Variants in HHAT observed in about 807,000 individuals in gnomAD.
HHAT encodes the protein hedgehog acyltransferase.
A neutral mutation model predicts 70.8 loss-of-function variants in HHAT; 47 were observed. That is an observed-to-expected ratio of 0.66 (90% CI 0.53 to 0.85). The LOEUF (loss-of-function observed/expected upper bound fraction) is 0.85. Among genes scored for constraint, HHAT ranks in the 40% least tolerant of loss-of-function variants. The pLI is 0.00. For synonymous variants in HHAT, 228 were observed against 247.6 expected (o/e 0.92, Z 0.74); for missense variants, 609 against 604.8 (o/e 1.01, Z -0.07).
chr1:210,395,573 G>T (rs1028002335), intron 4 of HHAT, among the ~76,000 whole-genome samples: 1 of 152,122 alleles, frequency 6.6e-6, no homozygotes, highest in Non-Finnish European at 1.5e-5. Flanking sequence ...AACTATTGGA[G>T]ATTTCCCCCA....
chr1:210,412,785 C>T (rs1285860506), intron 6 of HHAT, among the ~76,000 whole-genome samples: 1 of 152,226 alleles, frequency 6.6e-6, no homozygotes, highest in Non-Finnish European at 1.5e-5. Flanking sequence ...GAGACAGTGC[C>T]ACCCTCATGG....
At chr1:210,498,035 A>G (rs1047886127) in intron 8 of HHAT, among the ~76,000 whole-genome samples, 3 of 152,158 alleles carry the variant, frequency 2.0e-5, no homozygotes, top group South Asian at 4.2e-4. Context: ...GATTACAGGC[A>G]TGAGCCACCG....
chr1:210,433,632 G>T (rs1354730506), intron 7 of HHAT, among the ~76,000 whole-genome samples: 1 of 151,826 alleles, frequency 6.6e-6, no homozygotes, highest in Non-Finnish European at 1.5e-5. Context: ...GGATTGAGAG[G>T]ACATTGGGAG....
At chr1:210,608,819 G>A (rs1666024893) in intron 10 of HHAT, among the ~76,000 whole-genome samples, 2 of 152,052 alleles carry the variant, frequency 1.3e-5, no homozygotes, top group Non-Finnish European at 2.9e-5. Context: ...CCTCCAAGAT[G>A]GCATCTTGTT....
chr1:210,365,163 T>C (rs2088785945), intron 3 of HHAT, among the ~76,000 whole-genome samples: 1 of 152,156 alleles, frequency 6.6e-6, no homozygotes, highest in African/African-American at 2.4e-5. Context: ...GGCAAGCACA[T>C]GCTATTTTGG....
At chr1:210,359,251 C>T (rs1481159928) in intron 2 of HHAT, among the ~76,000 whole-genome samples, 1 of 152,150 alleles carries the variant, frequency 6.6e-6, no homozygotes, top group African/African-American at 2.4e-5. Flanking sequence ...GGTCTGAGGT[C>T]CCTCCCTAAG....
At chr1:210,455,923 A>T (rs765904954) in intron 7 of HHAT, among the ~76,000 whole-genome samples, 4 of 152,188 alleles carry the variant, frequency 2.6e-5, no homozygotes, top group Non-Finnish European at 4.4e-5. Context: ...AATAAGGCCC[A>T]TGAGAGACGA....
chr1:210,618,402 T>C (rs1224957390), intron 10 of HHAT, among the ~76,000 whole-genome samples: 1 of 152,156 alleles, frequency 6.6e-6, no homozygotes, highest in Non-Finnish European at 1.5e-5. Context: ...TACCCTCTGG[T>C]TAGCATTTTT....
chr1:210,357,329 C>G (rs2087746619), intron 2 of HHAT, among the ~76,000 whole-genome samples: 1 of 152,182 alleles, frequency 6.6e-6, no homozygotes, highest in African/African-American at 2.4e-5. Flanking sequence ...TCCCCTGAAG[C>G]AGGTCATAAA....
chr1:210,339,444 C>T (rs549977419), intron 1 of HHAT, among the ~76,000 whole-genome samples: 4 of 151,268 alleles, frequency 2.6e-5, no homozygotes, highest in African/African-American at 4.9e-5. Context: ...TCCTTGAATC[C>T]GGGCTGGTCT....
chr1:210,601,250 A>G (rs1164086400), intron 10 of HHAT, among the ~76,000 whole-genome samples: 1 of 152,208 alleles, frequency 6.6e-6, no homozygotes, highest in Non-Finnish European at 1.5e-5. Flanking sequence ...CGTGATCCAA[A>G]CTATGGTTAT....
At chr1:210,431,412 T>TTA (rs958687811) in intron 7 of HHAT, among the ~76,000 whole-genome samples, 4 of 151,812 alleles carry the variant, frequency 2.6e-5, no homozygotes, top group Non-Finnish European at 2.9e-5. Context: ...TGCTCTTGCT[T>TTA]TATATATATA....
intron 8 of HHAT, among the ~76,000 whole-genome samples, chr1:210,492,887 G>A (rs1396366196): frequency 6.6e-6 from 1 of 152,084 alleles, no homozygotes; most frequent in Non-Finnish European, 1.5e-5. Context: ...CCTGTCAGTG[G>A]ATGGGTTCAG....
At chr1:210,362,236 C>CTTTTTTTTTTTT (rs72236593) in intron 2 of HHAT, among the ~76,000 whole-genome samples, 1 of 139,670 alleles carries the variant, frequency 7.2e-6, no homozygotes. Context: ...GTCAAAATTT[C>CTTTTTTTTTTTT]TTTTTTTTTT....
chr1:210,485,316 C>T (rs2094458021), intron 8 of HHAT, among the ~76,000 whole-genome samples: 1 of 152,170 alleles, frequency 6.6e-6, no homozygotes, highest in African/African-American at 2.4e-5. Flanking sequence ...GAGGCAAGTC[C>T]TCCTCTCTGT....
chr1:210,627,622 T>C (rs1670066961), intron 11 of HHAT, among the ~76,000 whole-genome samples: 2 of 152,130 alleles, frequency 1.3e-5, no homozygotes, highest in Non-Finnish European at 2.9e-5. Flanking sequence ...AACCTAGGGC[T>C]CTGGTAATAT....
chr1:210,617,622 G>A (rs923703874), intron 10 of HHAT, among the ~76,000 whole-genome samples: 2 of 152,220 alleles, frequency 1.3e-5, no homozygotes, highest in African/African-American at 4.8e-5. Flanking sequence ...TTATTTGAAA[G>A]TACTCTGAAA....
At chr1:210,470,485 C>T (rs1018716378) in intron 8 of HHAT, among the ~76,000 whole-genome samples, 1 of 152,162 alleles carries the variant, frequency 6.6e-6, no homozygotes, top group Admixed American at 6.5e-5. Context: ...ATTTTAAAAT[C>T]CCCTTTCCTT....
intron 6 of HHAT, among the ~76,000 whole-genome samples, chr1:210,413,894 G>A (rs2092639541): frequency 6.6e-6 from 1 of 152,114 alleles, no homozygotes; most frequent in South Asian, 2.1e-4. Flanking sequence ...ACTGCTTAAA[G>A]CATGCACCTC....
Sources: gnomAD v4.1 joint callset for allele counts (sites outside exome capture counted in the v4.1 genomes callset) on GRCh38, gnomAD v4.1.1 for gene constraint, MANE v1.5 for transcripts, NCBI Gene and HGNC (gene_info 2026-07-23, HGNC 2026-07-21) for gene names.